WNT8B: variants seen among roughly 807,000 people sequenced by gnomAD.
WNT8B encodes the protein protein Wnt-8b.
Under a neutral mutation model 36.6 loss-of-function variants are expected in WNT8B, and 24 were observed. That is an observed-to-expected ratio of 0.66 (90% CI 0.48 to 0.92). The LOEUF (loss-of-function observed/expected upper bound fraction) is 0.92. Among genes scored for constraint, WNT8B ranks in the 40% least tolerant of loss-of-function variants. WNT8B has a pLI of 0.00. For missense variants in WNT8B, 402 were observed against 470.8 expected, an observed-to-expected ratio of 0.85 and a Z score of 1.35; for synonymous variants, 199 against 189.8, an observed-to-expected ratio of 1.05 and a Z score of -0.40.
intron 1 of WNT8B, 134 bp from the exon 2 acceptor site, chr10:100,478,917 GT>G: frequency 1.3e-6 from 1 of 757,912 alleles, no homozygotes; most frequent in Non-Finnish European, 2.1e-6. Flanking sequence ...TATGCACAGT[GT>G]TTCCTGGGTA....
At chr10:100,463,509 T>C (rs776170546) in intron 1 of WNT8B, among the ~76,000 whole-genome samples, 23 of 152,288 alleles carry the variant, frequency 1.5e-4, no homozygotes, top group African/African-American at 4.3e-4. Flanking sequence ...TGGGGGTAAA[T>C]GGACAGCAGC....
chr10:100,463,298 A>G (rs1362515489), intron 1 of WNT8B, 62 bp downstream of exon 1: 1 of 1,513,256 alleles, frequency 6.6e-7, no homozygotes, highest in Non-Finnish European at 9.1e-7. Context: ...TGTGTTGGGT[A>G]AAGCTCATTT....
intron 1 of WNT8B, among the ~76,000 whole-genome samples, chr10:100,472,739 C>G (rs190425896): frequency 6.6e-6 from 1 of 152,336 alleles, no homozygotes; most frequent in Non-Finnish European, 1.5e-5. Context: ...ATGTAAATCG[C>G]TTACCACTTA....
chr10:100,465,549 T>G (rs1247991518), intron 1 of WNT8B, among the ~76,000 whole-genome samples: 1 of 152,178 alleles, frequency 6.6e-6, no homozygotes, highest in Non-Finnish European at 1.5e-5. Flanking sequence ...CCCAGTTCTG[T>G]TCATTTCTCA....
chr10:100,474,816 G>A (rs1589724359), intron 1 of WNT8B, among the ~76,000 whole-genome samples: 1 of 152,072 alleles, frequency 6.6e-6, no homozygotes, highest in African/African-American at 2.4e-5. Context: ...GCCTGCCTTG[G>A]CCTCCCAAAG....
intron 1 of WNT8B, among the ~76,000 whole-genome samples, chr10:100,466,914 G>A (rs1850913155): frequency 6.6e-6 from 1 of 151,986 alleles, no homozygotes; most frequent in Non-Finnish European, 1.5e-5. Flanking sequence ...GAATTCATAT[G>A]GCTTAGAGAA....
Position 100,480,489 on chromosome 10 carries a change from C to G in WNT8B, c.241+477C>G, listed in dbSNP as rs1851096116. Reference sequence around the variant, plus strand: ...TTTTCAAGACTAACTGCACATGACTCTTAGACCCTAAGTGTTCCAGGAGGA... The same window carrying G: ...TTTTCAAGACTAACTGCACATGACTGTTAGACCCTAAGTGTTCCAGGAGGA... On this transcript the variant is annotated intron_variant, in intron 3 of 5. Transcript: ENST00000343737. Among the ~76,000 whole-genome samples the G allele has an allele frequency of 2.0e-5, 3 of 152,322 alleles. No homozygotes were observed. In the South Asian group the frequency reaches 6.2e-4, roughly 32 times the overall value.
At chr10:100,465,870 G>A (rs1850902644) in intron 1 of WNT8B, among the ~76,000 whole-genome samples, 1 of 152,078 alleles carries the variant, frequency 6.6e-6, no homozygotes, top group Admixed American at 6.6e-5. Flanking sequence ...GATTGGCAAA[G>A]GAATCAGTTA....
chr10:100,481,109 G>T lies in WNT8B; in HGVS notation c.353G>T (p.Arg118Leu), dbSNP rs755455283. 1 of 1,613,998 alleles carries T rather than the reference G, an allele frequency of 6.2e-7. No homozygotes were observed. The highest frequency in any genetic ancestry group is 1.1e-5 in the South Asian group (1 of 91,068). ...DFDNCGCDDS[R>L]NGQLGGQGWL... ...GATAACTGTGGCTGTGATGACTCCCGCAACGGGCAACTGGGTGAGTAGTAA... is the reference window on the plus strand; with the variant it reads ...GATAACTGTGGCTGTGATGACTCCCTCAACGGGCAACTGGGTGAGTAGTAA... The change falls in exon 4 of 6, where the codon CGC becomes CTC. Residue 118 changes from arginine (R) to leucine (L), a missense_variant. Coordinates refer to ENST00000343737, the MANE Select transcript of WNT8B (RefSeq NM_003393.4).
Position 100,482,040 on chromosome 10 carries a change from G to C in WNT8B, c.496G>C (p.Glu166Gln), listed in dbSNP as rs749920851. Residue 166 changes from glutamate (E) to glutamine (Q), a missense_variant, in exon 5 of 6, where the codon GAG (glutamate) becomes CAG (glutamine). This residue lies in a region of WNT8B where 256 missense variants were observed against 278.6 expected (regional missense o/e 0.92). Transcript: ENST00000343737. This position sits in a 1 kb window ranked among gnomAD's most constrained non-coding sequence, Gnocchi z 6.6. ...GGCAGCCATGAACCTGCACAACAAC[G>C]AGGCTGGCCGCAAGGTGAGTCCCGC... is the stretch of plus-strand genomic sequence containing the variant. ...ARAAMNLHNN[E>Q]AGRKAVKGTM... 1.2e-6 allele frequency: 2 copies of C among 1,614,190 alleles called. No homozygotes were observed. The highest frequency in any genetic ancestry group is 1.7e-6 in the Non-Finnish European group (2 of 1,180,022).
Position 100,479,986 on chromosome 10 carries a change from T to A in WNT8B, c.215T>A (p.Leu72Gln). The A allele has an allele frequency of 3.1e-6, 5 of 1,613,728 alleles. No individual in the cohort carries two copies. The highest frequency in any genetic ancestry group is 3.4e-6 in the Non-Finnish European group (4 of 1,179,852). Residue 72 changes from leucine (L) to glutamine (Q), a missense_variant, in exon 3 of 6, where the codon CTG (leucine) becomes CAG (glutamine). By Grantham distance (113) the Leu-to-Gln change is moderately radical. Transcript: ENST00000343737. ...RWNCPERALQLSSHGGLRSAN... is the reference protein window; with the variant it reads ...RWNCPERALQQSSHGGLRSAN... ...AACTGCCCTGAGAGAGCCCTGCAGC[T>A]GTCCAGCCATGGTGGGCTTCGCAGT...
intron 4 of WNT8B, 90 bp from the exon 5 acceptor site, chr10:100,481,822 C>A (rs770313704): frequency 1.8e-5 from 27 of 1,534,552 alleles, no homozygotes; most frequent in Admixed American, 5.8e-5. Context: ...TATCCTGGAC[C>A]CCCCCACCCC....
intron 4 of WNT8B, among the ~76,000 whole-genome samples, chr10:100,481,656 G>C (rs1851112940): frequency 6.6e-6 from 1 of 152,210 alleles, no homozygotes; most frequent in African/African-American, 2.4e-5. Flanking sequence ...GAGTGTACTG[G>C]CACCTTGCAA....
In WNT8B at chr10:100,483,200, G is replaced by A. The variant is rs963734755; in HGVS notation, c.*384G>A. On this transcript the variant is annotated 3_prime_UTR_variant, in exon 6 of 6. Transcript: ENST00000343737. Reference sequence around the variant, plus strand: ...AGGACCCAGGTAAAGTCAAAGCTTTGCCCTTTTGCCCACTGTCTGCTACCA... The same window carrying A: ...AGGACCCAGGTAAAGTCAAAGCTTTACCCTTTTGCCCACTGTCTGCTACCA... The A allele has an allele frequency of 1.1e-5, 2 of 187,832 alleles. No individual in the cohort carries two copies. The allele number at this position is 187,832 out of a possible 1,614,324, so 11.6% of individuals were successfully genotyped here. A position where few individuals can be genotyped will look rare whatever the true frequency, so the allele number is the denominator to read the frequency against.
intron 1 of WNT8B, among the ~76,000 whole-genome samples, chr10:100,476,745 A>G (rs1161888893): frequency 1.3e-5 from 2 of 152,200 alleles, no homozygotes; most frequent in Admixed American, 6.5e-5. Flanking sequence ...ATGTACATAT[A>G]TATTTAACTT....
intron 1 of WNT8B, among the ~76,000 whole-genome samples, chr10:100,473,455 G>A (rs1456345604): frequency 6.6e-6 from 1 of 152,072 alleles, no homozygotes; most frequent in African/African-American, 2.4e-5. Flanking sequence ...CTCAGTCCCT[G>A]GAAACTGTGA....
At chr10:100,481,668 G>C (rs1245506793) in intron 4 of WNT8B, among the ~76,000 whole-genome samples, 1 of 152,200 alleles carries the variant, frequency 6.6e-6, no homozygotes, top group African/African-American at 2.4e-5. Flanking sequence ...ACCTTGCAAA[G>C]AATCCACTCG....
At chr10:100,475,038 C>T (rs946761437) in intron 1 of WNT8B, among the ~76,000 whole-genome samples, 6 of 151,724 alleles carry the variant, frequency 4.0e-5, no homozygotes, top group South Asian at 2.1e-4. Flanking sequence ...ATTGGGAGTT[C>T]GAGACCAGCC....
intron 1 of WNT8B, among the ~76,000 whole-genome samples, chr10:100,475,507 T>C (rs1851028060): frequency 6.6e-6 from 1 of 152,192 alleles, no homozygotes; most frequent in Non-Finnish European, 1.5e-5. Context: ...CATACAAATC[T>C]TTGCATATTG....
Sources: allele counts gnomAD v4.1 joint callset (sites outside exome capture counted in the v4.1 genomes callset), GRCh38; gene constraint gnomAD v4.1.1; regional missense constraint gnomAD v4.1.1; non-coding constraint Gnocchi (gnomAD v3.1); transcripts MANE v1.5; gene names NCBI Gene and HGNC (gene_info 2026-07-23, HGNC 2026-07-21).